The following ZIC3 variants were observed in gnomAD, a reference collection of about 807,000 sequenced individuals.
ZIC3 encodes the protein zinc finger protein ZIC 3.
A neutral mutation model predicts 18.3 loss-of-function variants in ZIC3; 6 were observed. The ratio of observed to expected loss-of-function variants is 0.33; its 90% CI spans 0.18 to 0.65. The LOEUF (loss-of-function observed/expected upper bound fraction) is 0.65, where lower values mean the gene tolerates loss of function less well. Among genes scored for constraint, ZIC3 ranks in the 30% least tolerant of loss-of-function variants. ZIC3 has a pLI of 0.75. For missense variants in ZIC3, 260 were observed against 410.0 expected (o/e 0.63, Z 3.16); for synonymous variants, 175 against 177.0 (o/e 0.99, Z 0.09).
intron 1 of ZIC3, 140 bp downstream of exon 1, chrX:137,567,891 A>G: frequency 1.6e-5 from 17 of 1,062,397 alleles, no homozygotes; most frequent in Non-Finnish European, 2.2e-5. Context: ...AAGCGCTGTC[A>G]GTGACCATCC....
intron 2 of ZIC3, among the ~76,000 whole-genome samples, 158 bp from the exon 3 acceptor site, chrX:137,569,733 T>G (rs1235964755): frequency 8.9e-6 from 1 of 112,477 alleles, no homozygotes; most frequent in Non-Finnish European, 1.9e-5. Context: ...CCGGGTTTTC[T>G]AGACATCGGT....
rs1251576679 is a variant in ZIC3 at position 137,568,333 on chromosome X, T to C, written c.1061-569T>C. 6.4e-5 allele frequency among the ~76,000 whole-genome samples: 4 copies of C among 62,970 alleles called. No individual in the cohort carries two copies. In the East Asian group the frequency reaches 1.6e-3, roughly 25 times the overall value. The allele number at this position is 62,970 out of a possible 115,157, so 54.7% of individuals were successfully genotyped here. ...GTAAAACTGTCTGGAGCCCCCTGGATCGATCGATCTATCTATCTATCTATC... is the reference window on the plus strand; with the variant it reads ...GTAAAACTGTCTGGAGCCCCCTGGACCGATCGATCTATCTATCTATCTATC... On this transcript the variant is annotated intron_variant, in intron 1 of 2. Coordinates refer to ENST00000287538, the MANE Select transcript of ZIC3 (RefSeq NM_003413.4).
intron 1 of ZIC3, 25 bp from the exon 2 acceptor site, chrX:137,568,877 C>G (rs373535003): frequency 4.1e-6 from 5 of 1,207,989 alleles, no homozygotes; most frequent in Non-Finnish European, 5.6e-6. Context: ...GTATTTTACC[C>G]CCCTTGGGTT....
rs1001368262 is a variant in ZIC3 at position 137,569,002 on chromosome X, C to T, written c.1161C>T (p.Pro387=). Reference sequence around the variant, plus strand: ...TGCATGTGCATACCTCGGACAAGCCCTATATCTGCAAAGTGTGCGACAAGT... The same window carrying T: ...TGCATGTGCATACCTCGGACAAGCCTTATATCTGCAAAGTGTGCGACAAGT... The part of the protein sequence containing the change: ...KHMHVHTSDK[P]YICKVCDKSY... Residue 387 remains proline, a synonymous_variant, in exon 2 of 3, where the codon CCC becomes CCT. Coordinates refer to ENST00000287538, the MANE Select transcript of ZIC3 (RefSeq NM_003413.4). 4 of 1,211,449 alleles carry T rather than the reference C, an allele frequency of 3.3e-6. No homozygotes were observed. Among genetic ancestry groups the T allele is most frequent in the Non-Finnish European group, 4.5e-6 (4 of 895,478 alleles).
chrX:137,567,069 G>A lies in ZIC3; in HGVS notation c.378G>A (p.Gly126=), dbSNP rs2124183648. The A allele has an allele frequency of 2.5e-6, 3 of 1,184,799 alleles. No homozygotes were observed. Among genetic ancestry groups the A allele is most frequent in the East Asian group, 6.2e-5 (2 of 32,202 alleles). Residue 126 remains glycine, a synonymous_variant, in exon 1 of 3, where the codon GGG becomes GGA. Transcript: ENST00000287538. ...REFLFRQRSS[G]LSEAASGGGQ... ...TTCTGTTCCGCCAGCGCAGCTCCGGGCTCAGTGAGGCGGCCTCGGGTGGCG... is the reference window on the plus strand; with the variant it reads ...TTCTGTTCCGCCAGCGCAGCTCCGGACTCAGTGAGGCGGCCTCGGGTGGCG...
In ZIC3 at chrX:137,567,252, G is replaced by C. The variant is rs751566306; in HGVS notation, c.561G>C (p.Gly187=). 64 of 1,211,229 alleles carry C rather than the reference G, an allele frequency of 5.3e-5. No individual in the cohort carries two copies. The South Asian group carries it at 1.1e-3, about 20-fold the overall frequency. ...GHVDNNQVHL[G]LRGELFGRAD... is the part of the protein sequence containing the mutation. ...TGGACAACAACCAGGTCCACCTGGGGCTGCGTGGGGAGCTGTTCGGCCGTG... is the reference window on the plus strand; with the variant it reads ...TGGACAACAACCAGGTCCACCTGGGCCTGCGTGGGGAGCTGTTCGGCCGTG... Residue 187 remains glycine (G), a synonymous_variant, in exon 1 of 3, where the codon GGG becomes GGC. Coordinates refer to ENST00000287538, the MANE Select transcript of ZIC3 (RefSeq NM_003413.4).
At chrX:137,573,137 CA>C (rs369606674), downstream of ZIC3, among the ~76,000 whole-genome samples, 376 of 34,944 alleles carry the variant, frequency 0.011, 3 homozygotes, top group African/African-American at 0.032. Context: ...GTACCCCCCC[CA>C]AAAAAAAAAA....
At position 137,570,267 on chromosome X, in the gene ZIC3, T is replaced by G. The variant is rs960006471; in HGVS notation, c.*197T>G. 3 of 491,266 alleles carry G rather than the reference T, an allele frequency of 6.1e-6. No homozygotes were observed. The highest frequency in any genetic ancestry group is 6.7e-6 in the Non-Finnish European group (2 of 297,452). The allele number at this position is 491,266 out of a possible 1,213,427, so 40.5% of individuals were successfully genotyped here. On this transcript the variant is annotated 3_prime_UTR_variant, in exon 3 of 3. Transcript: ENST00000287538. ...CCCTTTTCTCAGGATAGAAAATATG[T>G]TTTGGCATTTGAAGCATTTTTTACA...
At chrX:137,572,249 T>C (rs1931450474), downstream of ZIC3, among the ~76,000 whole-genome samples, 1 of 112,781 alleles carries the variant, frequency 8.9e-6, no homozygotes, top group African/African-American at 3.2e-5. Flanking sequence ...CTGATCTTTG[T>C]CAACAGACAA....
downstream of ZIC3, among the ~76,000 whole-genome samples, chrX:137,573,411 G>A (rs1931467316): frequency 9.0e-6 from 1 of 111,359 alleles, no homozygotes; most frequent in Admixed American, 9.5e-5. Flanking sequence ...TAAGCAGGCC[G>A]GTCGATCTAA....
chrX:137,577,283 AG>A, exon 3 of ZIC3: 1 of 509,066 alleles, frequency 2.0e-6, no homozygotes, highest in Non-Finnish European at 3.6e-6. Context: ...GAGGTTTCAA[AG>A]AAAACCACAT....
At chrX:137,575,251 G>A (rs1263030000), downstream of ZIC3, among the ~76,000 whole-genome samples, 1 of 111,817 alleles carries the variant, frequency 8.9e-6, no homozygotes, top group African/African-American at 3.3e-5. Context: ...GTGCCATTGC[G>A]AGTTCGACCC....
downstream of ZIC3, among the ~76,000 whole-genome samples, chrX:137,574,376 CG>C (rs1338555562): frequency 8.8e-6 from 1 of 113,444 alleles, no homozygotes; most frequent in Non-Finnish European, 1.9e-5. Context: ...CAAAAGGGGC[CG>C]CCCCCGTGCC....
chrX:137,568,338 C>CTA (rs1491149965), intron 1 of ZIC3, among the ~76,000 whole-genome samples: 2 of 89,103 alleles, frequency 2.2e-5, no homozygotes, highest in African/African-American at 9.0e-5. Context: ...CTGGATCGAT[C>CTA]GATCTATCTA....
At chrX:137,568,806 G>A in intron 1 of ZIC3, 96 bp from the exon 2 acceptor site, 1 of 1,042,960 alleles carries the variant, frequency 9.6e-7, no homozygotes, top group Non-Finnish European at 1.3e-6. Flanking sequence ...CTCCCTTTCC[G>A]GGAAGACCGC....
In ZIC3 at chrX:137,567,418, A is replaced by G; in HGVS notation, c.727A>G (p.Met243Val). 8.3e-7 allele frequency: 1 copy of G among 1,209,959 alleles called. No individual in the cohort carries two copies. Among genetic ancestry groups the G allele is most frequent in the East Asian group, 3.0e-5 (1 of 33,722 alleles). ...CGGGCCCGGCGCCTTCTTCCGTTAT[A>G]TGCGGCAGCCTATCAAGCAGGAGCT... ...HHGPGAFFRYMRQPIKQELSC... is the reference protein window; with the variant it reads ...HHGPGAFFRYVRQPIKQELSC... Residue 243 changes from methionine (M) to valine (V), a missense_variant, in exon 1 of 3, where the codon ATG becomes GTG. By Grantham distance (21) the Met-to-Val change is conservative. Coordinates refer to ENST00000287538, the MANE Select transcript of ZIC3 (RefSeq NM_003413.4).
chrX:137,572,590 T>G (rs779590817), downstream of ZIC3, among the ~76,000 whole-genome samples: 1 of 112,286 alleles, frequency 8.9e-6, no homozygotes, highest in South Asian at 3.7e-4. Flanking sequence ...TGTGTTCCAT[T>G]GTGAAATCTA....
downstream of ZIC3, among the ~76,000 whole-genome samples, chrX:137,574,301 G>A: frequency 8.8e-6 from 1 of 113,598 alleles, no homozygotes; most frequent in East Asian, 2.8e-4. Context: ...GCAGCGCCTG[G>A]GATAGAGGGG....
At chrX:137,569,850 T>C (rs1393029488) in intron 2 of ZIC3, 41 bp from the exon 3 acceptor site, 2 of 1,173,385 alleles carry the variant, frequency 1.7e-6, no homozygotes, top group African/African-American at 1.8e-5. Context: ...ACATTGCCAG[T>C]TGGAATTATA....
Sources: gnomAD v4.1 joint callset for allele counts (sites outside exome capture counted in the v4.1 genomes callset) on GRCh38, gnomAD v4.1.1 for gene constraint, MANE v1.5 for transcripts, NCBI Gene and HGNC (gene_info 2026-07-23, HGNC 2026-07-21) for gene names.